The following ANKFN1 variants were observed in gnomAD, a reference collection of about 807,000 sequenced individuals.
ANKFN1 encodes ankyrin repeat and fibronectin type III domain containing 1.
Under a neutral mutation model 108.7 loss-of-function variants are expected in ANKFN1, and 74 were observed. The ratio of observed to expected loss-of-function variants is 0.68; its 90% CI spans 0.56 to 0.83. ANKFN1 has a LOEUF of 0.83. Among genes scored for constraint, ANKFN1 ranks in the 40% least tolerant of loss-of-function variants. ANKFN1 has a pLI of 0.00. For synonymous variants in ANKFN1, 547 were observed against 516.2 expected (o/e 1.06, Z -0.81); for missense variants, 1,505 against 1,382.3 (o/e 1.09, Z -1.41).
At chr17:56,369,478 G>T (rs1202761325) in intron 6 of ANKFN1, among the ~76,000 whole-genome samples, 3 of 151,990 alleles carry the variant, frequency 2.0e-5, no homozygotes, top group African/African-American at 7.3e-5. Flanking sequence ...TGGATTCCCA[G>T]AACAATTTTC....
intron 1 of ANKFN1, among the ~76,000 whole-genome samples, chr17:56,202,287 G>C (rs1328674867): frequency 1.4e-5 from 2 of 147,188 alleles, no homozygotes; most frequent in Non-Finnish European, 3.0e-5. Context: ...AAGAGTCAAA[G>C]ACTTTCTCCT....
At chr17:56,224,311 A>G (rs1428441249) in intron 2 of ANKFN1, among the ~76,000 whole-genome samples, 2 of 152,258 alleles carry the variant, frequency 1.3e-5, no homozygotes, top group Admixed American at 1.3e-4. Context: ...GATAGAGAAT[A>G]GGTAGTCCTA....
chr17:56,265,429 C>T (rs796970050), intron 3 of ANKFN1, among the ~76,000 whole-genome samples: 8 of 152,270 alleles, frequency 5.3e-5, no homozygotes, highest in African/African-American at 4.8e-5. Flanking sequence ...CCCCATGATC[C>T]AATCACTTCC....
chr17:56,134,003 G>C (rs370987469), intron 4 of ANKFN1, among the ~76,000 whole-genome samples: 1 of 152,086 alleles, frequency 6.6e-6, no homozygotes, highest in Non-Finnish European at 1.5e-5. Context: ...GATGCCAATC[G>C]CAAGTAGTAG....
intron 4 of ANKFN1, among the ~76,000 whole-genome samples, chr17:56,057,162 G>A (rs1904894947): frequency 6.6e-6 from 1 of 152,294 alleles, no homozygotes; most frequent in Non-Finnish European, 1.5e-5. Context: ...CACACCTTTA[G>A]GTTCCACTTC....
intron 15 of ANKFN1, among the ~76,000 whole-genome samples, chr17:56,469,776 T>G (rs2050250739): frequency 1.2e-5 from 1 of 81,696 alleles, no homozygotes; most frequent in Non-Finnish European, 2.8e-5. Flanking sequence ...CTCAGAAAAT[T>G]TTTTTTCTTT....
At chr17:56,415,662 G>A (rs2048223157) in intron 8 of ANKFN1, among the ~76,000 whole-genome samples, 1 of 152,054 alleles carries the variant, frequency 6.6e-6, no homozygotes, top group Non-Finnish European at 1.5e-5. Context: ...TAGATTCAAT[G>A]CAATCCCTAT....
At chr17:56,470,505 A>G (rs940713524) in intron 15 of ANKFN1, among the ~76,000 whole-genome samples, 1 of 152,190 alleles carries the variant, frequency 6.6e-6, no homozygotes, top group African/African-American at 2.4e-5. Context: ...GAAAATTTTA[A>G]GCAATGCTAG....
At position 56,141,650 on chromosome 17, in the gene ANKFN1, C is replaced by T. The variant is rs138494169; in HGVS notation, c.289-86267C>T. Among the ~76,000 whole-genome samples the T allele has an allele frequency of 2.3e-4, 35 of 152,122 alleles. 1 individual carries two copies. In the East Asian group the frequency reaches 6.2e-3, roughly 27 times the overall value. ...GGGATATTTAGGATAAAGGATCATTCGCAAAAACTCATCAGGGTGTGTGTG... is the reference window on the plus strand; with the variant it reads ...GGGATATTTAGGATAAAGGATCATTTGCAAAAACTCATCAGGGTGTGTGTG... On this transcript the variant is annotated intron_variant, in intron 4 of 12. Transcript: ENST00000635860.
chr17:56,309,802 C>G (rs1050948839), intron 3 of ANKFN1, among the ~76,000 whole-genome samples: 20 of 152,130 alleles, frequency 1.3e-4, no homozygotes, highest in African/African-American at 4.3e-4. Context: ...ATACTTATAA[C>G]AATATTCTAT....
intron 4 of ANKFN1, among the ~76,000 whole-genome samples, chr17:56,129,525 T>A (rs1907149307): frequency 1.3e-5 from 2 of 152,184 alleles, no homozygotes. Flanking sequence ...TTTATTTAAT[T>A]GTGGAAAAGT....
Position 56,449,152 on chromosome 17 carries a change from G to A in ANKFN1, c.1173G>A (p.Gln391=). The A allele has an allele frequency of 1.2e-6, 2 of 1,613,578 alleles. No homozygotes were observed. Among genetic ancestry groups the A allele is most frequent in the Non-Finnish European group, 1.7e-6 (2 of 1,179,682 alleles). Residue 391 remains glutamine, a synonymous_variant, in exon 11 of 21, where the codon CAG becomes CAA. Coordinates refer to ENST00000682825, the MANE Select transcript of ANKFN1 (RefSeq NM_001370326.1). ...QSEVLEGLLQ[Q]VRALHQHYSC... ...AAGTTTTGGAAGGTCTGCTGCAGCAGGTCCGAGCCCTTCATCAGCATTACA... is the reference window on the plus strand; with the variant it reads ...AAGTTTTGGAAGGTCTGCTGCAGCAAGTCCGAGCCCTTCATCAGCATTACA...
In ANKFN1 at chr17:56,510,999, C is replaced by T; in HGVS notation, c.3171C>T (p.Ala1057=). Residue 1057 remains alanine, a synonymous_variant, in exon 21 of 21, where the codon GCC becomes GCT. Coordinates refer to ENST00000682825, the MANE Select transcript of ANKFN1 (RefSeq NM_001370326.1). ...AGGAGGCCAAGCGGGCCGGCCCTGC[C>T]CTTGATGATCCCAGGGGCCTAACTC... ...EPKEAKRAGP[A]LDDPRGLTLA... 4 of 1,536,006 alleles carry T rather than the reference C, an allele frequency of 2.6e-6. No individual in the cohort carries two copies. Among genetic ancestry groups the T allele is most frequent in the South Asian group, 1.2e-5 (1 of 84,038 alleles).
chr17:56,429,176 G>A (rs1013694394), intron 8 of ANKFN1, among the ~76,000 whole-genome samples: 5 of 152,158 alleles, frequency 3.3e-5, no homozygotes, highest in African/African-American at 1.2e-4. Flanking sequence ...TTCAGATAGT[G>A]ATAAGTGAAA....
chr17:56,424,944 T>C (rs1598585745), intron 8 of ANKFN1, among the ~76,000 whole-genome samples: 2 of 152,284 alleles, frequency 1.3e-5, no homozygotes, highest in African/African-American at 4.8e-5. Context: ...ATTGAGATGG[T>C]GACAGCTACA....
At chr17:56,360,836 G>A (rs1385940707) in intron 6 of ANKFN1, among the ~76,000 whole-genome samples, 1 of 152,042 alleles carries the variant, frequency 6.6e-6, no homozygotes, top group Non-Finnish European at 1.5e-5. Context: ...TATATTCAAG[G>A]TATATAATGT....
At chr17:56,326,912 T>C (rs925773590) in intron 4 of ANKFN1, among the ~76,000 whole-genome samples, 2 of 152,218 alleles carry the variant, frequency 1.3e-5, no homozygotes, top group South Asian at 2.1e-4. Context: ...ATACTGAGGA[T>C]ATCTGCCAAG....
intron 4 of ANKFN1, among the ~76,000 whole-genome samples, chr17:56,064,653 G>T (rs1400650208): frequency 6.6e-6 from 1 of 152,228 alleles, no homozygotes; most frequent in Non-Finnish European, 1.5e-5. Flanking sequence ...AGGCAGCTTA[G>T]CATGTTAGGC....
At chr17:56,190,656 G>A (rs1347816896) in intron 1 of ANKFN1, among the ~76,000 whole-genome samples, 7 of 89,062 alleles carry the variant, frequency 7.9e-5, no homozygotes, top group Admixed American at 5.5e-4. Context: ...TTTGGAATAG[G>A]TGTGGTGTGG....
Sources: gnomAD v4.1 joint callset for allele counts (sites outside exome capture counted in the v4.1 genomes callset) on GRCh38, gnomAD v4.1.1 for gene constraint, MANE v1.5 for transcripts, NCBI Gene and HGNC (gene_info 2026-07-23, HGNC 2026-07-21) for gene names.